Variants in CSMD1 observed in about 807,000 individuals in gnomAD.
CSMD1 encodes the protein CUB and Sushi multiple domains 1.
In CSMD1, 213 loss-of-function variants were observed where a neutral mutation model predicts 417.5. The observed-to-expected ratio is 0.51, with a 90% CI of 0.46 to 0.57. CSMD1 has a LOEUF of 0.57. CSMD1 is among the 20% of genes least tolerant of loss of function. The probability of loss-of-function intolerance (pLI) is 0.00; values close to 1 mark genes in which losing one functional copy is unlikely to be tolerated. For synonymous variants in CSMD1, 2,862 were observed against 1,736.8 expected (o/e 1.65, Z -16.11); for missense variants, 6,923 against 4,529.7 (o/e 1.53, Z -15.17).
chr8:3,241,532 C>T (rs892712766), intron 26 of CSMD1, among the ~76,000 whole-genome samples: 3 of 152,214 alleles, frequency 2.0e-5, no homozygotes, highest in Non-Finnish European at 2.9e-5. Flanking sequence ...GAGTCTTGGG[C>T]CAGAGTTCCA....
chr8:3,136,584 G>A (rs1818107187), intron 41 of CSMD1, among the ~76,000 whole-genome samples: 3 of 152,000 alleles, frequency 2.0e-5, no homozygotes, highest in Admixed American at 1.3e-4. Flanking sequence ...CGGATTTCTG[G>A]TAGCGACGGA....
intron 49 of CSMD1, among the ~76,000 whole-genome samples, chr8:3,070,526 C>A (rs1813262789): frequency 1.3e-5 from 2 of 152,174 alleles, no homozygotes; most frequent in Non-Finnish European, 2.9e-5. Flanking sequence ...CAAAGTTCCA[C>A]AGATCCCTAG....
At chr8:4,325,958 G>C (rs893052897) in intron 3 of CSMD1, among the ~76,000 whole-genome samples, 1 of 152,132 alleles carries the variant, frequency 6.6e-6, no homozygotes, top group Non-Finnish European at 1.5e-5. Flanking sequence ...GGTCATATCA[G>C]TCTACAGTAG....
rs186364788 is a variant in CSMD1, at chr8:3,179,238, C to A, written c.5725+1872G>T. Among the ~76,000 whole-genome samples the A allele has an allele frequency of 5.1e-3, 770 of 152,212 alleles. 10 individuals carry two copies. The highest frequency in any genetic ancestry group is 0.017 in the African/African-American group (722 of 41,524). On this transcript the variant is annotated intron_variant, in intron 37 of 69. Transcript: ENST00000635120. The stretch of plus-strand genomic sequence containing the variant: ...GGGATTACAGGCGTGAGCCACCGCG[C>A]CCAGCCTATAATCTATATTTCAAAT...
chr8:4,907,158 A>C (rs186800368), intron 1 of CSMD1, among the ~76,000 whole-genome samples: 1 of 152,226 alleles, frequency 6.6e-6, no homozygotes, highest in Non-Finnish European at 1.5e-5. Context: ...AAATATTCTT[A>C]CTTAAATCAC....
At chr8:3,658,688 C>G (rs1018847019) in intron 7 of CSMD1, among the ~76,000 whole-genome samples, 4 of 151,908 alleles carry the variant, frequency 2.6e-5, no homozygotes, top group African/African-American at 9.7e-5. Flanking sequence ...GAGGCTGAGG[C>G]AGGGGAAACA....
At chr8:3,966,562 T>G (rs1812689137) in intron 5 of CSMD1, among the ~76,000 whole-genome samples, 1 of 152,192 alleles carries the variant, frequency 6.6e-6, no homozygotes, top group South Asian at 2.1e-4. Flanking sequence ...TCTTGCCAAT[T>G]TCTTTTCTGT....
intron 6 of CSMD1, among the ~76,000 whole-genome samples, chr8:3,739,729 G>C (rs767799865): frequency 6.6e-6 from 1 of 152,086 alleles, no homozygotes; most frequent in African/African-American, 2.4e-5. Flanking sequence ...TTAAACTATT[G>C]ATCCACAGTT....
intron 49 of CSMD1, among the ~76,000 whole-genome samples, chr8:3,060,080 A>G (rs1585250029): frequency 6.6e-6 from 1 of 151,998 alleles, no homozygotes; most frequent in African/African-American, 2.4e-5. Context: ...GGCTCTTTCT[A>G]TGCCTTATTC....
intron 2 of CSMD1, among the ~76,000 whole-genome samples, chr8:4,424,491 C>G (rs111375359): frequency 6.6e-6 from 1 of 151,836 alleles, no homozygotes. Flanking sequence ...CAGAGAAATA[C>G]CGCACATGAT....
intron 5 of CSMD1, among the ~76,000 whole-genome samples, chr8:3,773,515 G>C (rs551905699): frequency 1.3e-4 from 20 of 152,190 alleles, no homozygotes; most frequent in Non-Finnish European, 2.5e-4. Context: ...TTGAACTCCT[G>C]GACTCAAGTG....
chr8:4,231,238 T>G (rs927840141), intron 3 of CSMD1, among the ~76,000 whole-genome samples: 1 of 152,342 alleles, frequency 6.6e-6, no homozygotes, highest in East Asian at 1.9e-4. Context: ...TTGAGGTTAC[T>G]GCCGCCATCA....
At chr8:3,220,676 C>G (rs1294242614) in intron 28 of CSMD1, among the ~76,000 whole-genome samples, 1 of 152,032 alleles carries the variant, frequency 6.6e-6, no homozygotes, top group Admixed American at 6.6e-5. Context: ...ACTAAAAATA[C>G]AAAAATTAGC....
At chr8:3,560,782 T>C (rs1799436327) in intron 10 of CSMD1, among the ~76,000 whole-genome samples, 1 of 152,232 alleles carries the variant, frequency 6.6e-6, no homozygotes, top group Admixed American at 6.5e-5. Flanking sequence ...ATCTCCTTGA[T>C]TTGACCCTAT....
In CSMD1 at chr8:4,363,877, G is replaced by A. The variant is rs144513103; in HGVS notation, c.415+56076C>T. Among the ~76,000 whole-genome samples, 1,497 of 152,304 alleles carry A rather than the reference G, an allele frequency of 9.8e-3. 11 individuals carry two copies. Among genetic ancestry groups the A allele is most frequent in the Non-Finnish European group, 0.017 (1,130 of 68,032 alleles). ...ACAATAGAACTCATGGACATAGAGA[G>A]TAAAGGACGGTTACCAGAGTCTAGA... is the stretch of plus-strand genomic sequence containing the variant. On this transcript the variant is annotated intron_variant, in intron 3 of 69. Coordinates refer to ENST00000635120, the MANE Select transcript of CSMD1 (RefSeq NM_033225.6).
chr8:3,174,257 G>A (rs1436011839), intron 37 of CSMD1, among the ~76,000 whole-genome samples: 1 of 152,190 alleles, frequency 6.6e-6, no homozygotes, highest in East Asian at 1.9e-4. Flanking sequence ...ACTTTGGGAG[G>A]CTGAGGTGCA....
chr8:4,036,981 GT>G (rs1797654668), intron 3 of CSMD1, among the ~76,000 whole-genome samples: 3 of 151,726 alleles, frequency 2.0e-5, no homozygotes, highest in Non-Finnish European at 4.4e-5. Context: ...GTGTGTGTGT[GT>G]GTGTGTGTGT....
chr8:3,438,358 A>G (rs1051793813), intron 12 of CSMD1, among the ~76,000 whole-genome samples: 1 of 152,170 alleles, frequency 6.6e-6, no homozygotes, highest in African/African-American at 2.4e-5. Context: ...AACAGGTGAG[A>G]TACAGAACAT....
chr8:4,456,258 C>T (rs1361065113), intron 2 of CSMD1, among the ~76,000 whole-genome samples: 1 of 151,690 alleles, frequency 6.6e-6, no homozygotes, highest in Non-Finnish European at 1.5e-5. Context: ...AAGTATGTAA[C>T]AGAAAAGATG....
Sources: allele counts gnomAD v4.1 joint callset (sites outside exome capture counted in the v4.1 genomes callset), GRCh38; gene constraint gnomAD v4.1.1; transcripts MANE v1.5; gene names NCBI Gene and HGNC (gene_info 2026-07-23, HGNC 2026-07-21).